Variants in FRY observed in about 807,000 individuals in gnomAD.
FRY encodes the protein protein furry homolog.
Under a neutral mutation model 348.4 loss-of-function variants are expected in FRY, and 128 were observed. The observed-to-expected ratio is 0.37, with a 90% CI of 0.32 to 0.43. The LOEUF is 0.43. Ranked by LOEUF, FRY falls within the 20% of genes least tolerant of loss-of-function variation. FRY has a pLI of 1.00. For missense variants in FRY, 2,736 were observed against 3,695.2 expected (o/e 0.74, Z 6.73); for synonymous variants, 1,370 against 1,374.7 (o/e 1.00, Z 0.08).
At chr13:32,252,870 G>A (rs374907316) in intron 50 of FRY, among the ~76,000 whole-genome samples, 106 of 152,170 alleles carry the variant, frequency 7.0e-4, no homozygotes, top group African/African-American at 2.3e-3. Context: ...TGGTGTTATT[G>A]ATCAGTGGGT....
chr13:32,239,401 C>T lies in FRY; in HGVS notation c.6516+52C>T, dbSNP rs769068536. 3 of 1,109,650 alleles carry T rather than the reference C, an allele frequency of 2.7e-6. No homozygotes were observed. The South Asian group carries it at 3.7e-5, about 14-fold the overall frequency. 68.7% of individuals were successfully genotyped at this position (1,109,650 alleles called of 1,614,324 possible). ...CAGATCCATAGAGGCCTTCAGGACG[C>T]CCTAGTGTCAGGCAAATTACAAGGC... On this transcript the variant is annotated intron_variant, in intron 45 of 60. Coordinates refer to ENST00000542859, the MANE Select transcript of FRY (RefSeq NM_023037.3). The surrounding 1 kb of genome is among the most constrained non-coding windows in gnomAD (Gnocchi z 4.3).
At chr13:32,150,405 C>T (rs533800506) in intron 14 of FRY, among the ~76,000 whole-genome samples, 14 of 152,096 alleles carry the variant, frequency 9.2e-5, no homozygotes, top group Non-Finnish European at 1.6e-4. Flanking sequence ...ACACTGTCAG[C>T]CAACAGAAGT....
chr13:32,217,252 G>T (rs1885048956), intron 35 of FRY, among the ~76,000 whole-genome samples: 1 of 151,938 alleles, frequency 6.6e-6, no homozygotes, highest in Non-Finnish European at 1.5e-5. Context: ...TCTTTGTTTT[G>T]GCTACATATA....
intron 4 of FRY, among the ~76,000 whole-genome samples, chr13:32,119,045 T>C (rs1004246503): frequency 2.0e-5 from 3 of 152,234 alleles, no homozygotes; most frequent in African/African-American, 7.2e-5. Context: ...TTATAGTTTT[T>C]AAAATTGTGT....
intron 17 of FRY, among the ~76,000 whole-genome samples, chr13:32,164,926 A>C (rs1881650228): frequency 6.6e-6 from 1 of 152,202 alleles, no homozygotes; most frequent in African/African-American, 2.4e-5. Flanking sequence ...CTTTGCATGC[A>C]CCAAGGGCTT....
chr13:32,057,523 T>C (rs1873701289), intron 1 of FRY, among the ~76,000 whole-genome samples: 1 of 152,140 alleles, frequency 6.6e-6, no homozygotes, highest in South Asian at 2.1e-4. Context: ...TTTATGCTAA[T>C]AAGTAGCTAT....
In FRY at chr13:32,157,194, A is replaced by C. The variant is rs528790744; in HGVS notation, c.1652-79A>C. On this transcript the variant is annotated intron_variant, in intron 15 of 60. Transcript: ENST00000542859. ...TTGACTCATAAGGTCTTCAGTAAAA[A>C]ATATTATAGAGGATGAATAAATCAG... is the stretch of plus-strand genomic sequence containing the variant. 94 of 1,404,090 alleles carry C rather than the reference A, an allele frequency of 6.7e-5. 1 individual carries two copies. In the South Asian group the frequency reaches 9.7e-4, roughly 15 times the overall value. The allele number at this position is 1,404,090 out of a possible 1,614,324, so 87.0% of individuals were successfully genotyped here. A position where few individuals can be genotyped will look rare whatever the true frequency, so the allele number is the denominator to read the frequency against.
At position 32,155,652 on chromosome 13, in the gene FRY, C is replaced by A; in HGVS notation, c.1641C>A (p.Ala547=). 6.2e-7 allele frequency: 1 copy of A among 1,611,476 alleles called. No homozygotes were observed. Among genetic ancestry groups the A allele is most frequent in the South Asian group, 1.1e-5 (1 of 90,970 alleles). The change falls in exon 15 of 61, where the codon GCC becomes GCA. Residue 547 remains alanine, a synonymous_variant. Coordinates refer to ENST00000542859, the MANE Select transcript of FRY (RefSeq NM_023037.3). ...GTAAAACACTAACTGAAGAGGAAGC[C>A]AAAATGATAGGTGAGTTTCAGAAGT... ...YLSKTLTEEE[A]KMIGMSLYYS...
chr13:32,070,363 T>C (rs1593580011), intron 1 of FRY, among the ~76,000 whole-genome samples: 1 of 152,172 alleles, frequency 6.6e-6, no homozygotes, highest in South Asian at 2.1e-4. Context: ...TTTCTCCACA[T>C]CCTCTCCAGC....
chr13:32,086,568 T>C (rs551053373), intron 2 of FRY, among the ~76,000 whole-genome samples: 21 of 152,236 alleles, frequency 1.4e-4, no homozygotes, highest in African/African-American at 4.6e-4. Flanking sequence ...GGAAGCTAAA[T>C]TGGGGATTGG....
intron 52 of FRY, 33 bp from the exon 53 acceptor site, chr13:32,262,279 CAT>C (rs1887690754): frequency 1.3e-6 from 2 of 1,566,182 alleles, no homozygotes; most frequent in African/African-American, 2.7e-5. Flanking sequence ...ATGGGAACTT[CAT>C]ACTATGTTTA....
intron 1 of FRY, among the ~76,000 whole-genome samples, chr13:32,042,005 C>T (rs1003545419): frequency 6.6e-6 from 1 of 152,170 alleles, no homozygotes; most frequent in Non-Finnish European, 1.5e-5. Context: ...AAGATTCTAG[C>T]ACATTTTAAA....
At chr13:32,119,748 G>A (rs368012327) in intron 4 of FRY, among the ~76,000 whole-genome samples, 2 of 152,058 alleles carry the variant, frequency 1.3e-5, no homozygotes, top group African/African-American at 4.8e-5. Context: ...CCCCCAGCTC[G>A]CAGTGCCGCT....
intron 1 of FRY, among the ~76,000 whole-genome samples, chr13:32,041,665 G>GAGGCCTGTTGTCAGCTTCTC (rs1268739193): frequency 2.6e-5 from 4 of 152,188 alleles, no homozygotes; most frequent in African/African-American, 9.7e-5. Context: ...TGGTGGCCCT[G>GAGGCCTGTTGTCAGCTTCTC]AGGCCTGTTG....
At chr13:32,084,941 G>GC (rs1875759350) in intron 2 of FRY, among the ~76,000 whole-genome samples, 1 of 152,144 alleles carries the variant, frequency 6.6e-6, no homozygotes, top group Non-Finnish European at 1.5e-5. Flanking sequence ...GTTTAGGACA[G>GC]TGTTTGCGTA....
intron 3 of FRY, among the ~76,000 whole-genome samples, chr13:32,103,885 TGAG>T (rs910920685): frequency 1.4e-4 from 22 of 151,942 alleles, no homozygotes; most frequent in Admixed American, 2.6e-4. Flanking sequence ...GAGGATCACT[TGAG>T]GAGGTGGAGG....
At chr13:32,263,832 C>T (rs952192396) in intron 53 of FRY, among the ~76,000 whole-genome samples, 2 of 152,130 alleles carry the variant, frequency 1.3e-5, no homozygotes, top group African/African-American at 4.8e-5. Context: ...GATGGTGAAA[C>T]CCTGTCTCTA....
rs779554779 is a variant in FRY, at chr13:32,246,751, C to A, written c.6829-572C>A. On this transcript the variant is annotated intron_variant, in intron 47 of 60. Transcript: ENST00000542859. ...CCAAGAGGGTGCCGCTGAGCCAGTG[C>A]CAGCAGGAATGCCGTGGAGGGAACA... 3.9e-5 allele frequency among the ~76,000 whole-genome samples: 6 copies of A among 152,078 alleles called. No individual in the cohort carries two copies. In the East Asian group the frequency reaches 1.2e-3, roughly 29 times the overall value.
chr13:32,280,229 TA>T (rs1888742486), intron 58 of FRY, among the ~76,000 whole-genome samples: 1 of 152,188 alleles, frequency 6.6e-6, no homozygotes, highest in African/African-American at 2.4e-5. Flanking sequence ...AAATAATAAC[TA>T]GTTTGCATAT....
Sources: allele counts gnomAD v4.1 joint callset (sites outside exome capture counted in the v4.1 genomes callset), GRCh38; gene constraint gnomAD v4.1.1; non-coding constraint Gnocchi (gnomAD v3.1); transcripts MANE v1.5; gene names NCBI Gene and HGNC (gene_info 2026-07-23, HGNC 2026-07-21).